GNG12: variants seen among roughly 807,000 people sequenced by gnomAD.
GNG12 encodes the protein G protein subunit gamma 12.
For synonymous variants in GNG12, 28 were observed against 29.7 expected, an observed-to-expected ratio of 0.94 and a Z score of 0.19; for missense variants, 69 against 83.8, an observed-to-expected ratio of 0.82 and a Z score of 0.69.
intron 1 of GNG12, among the ~76,000 whole-genome samples, chr1:67,783,408 A>G (rs1265655579): frequency 6.6e-6 from 1 of 152,160 alleles, no homozygotes; most frequent in Non-Finnish European, 1.5e-5. Flanking sequence ...TTTTATTAGC[A>G]TACAATAATA....
At chr1:67,756,494 G>A (rs1646568899) in intron 2 of GNG12, among the ~76,000 whole-genome samples, 2 of 152,112 alleles carry the variant, frequency 1.3e-5, no homozygotes, top group South Asian at 4.1e-4. Context: ...TGCTATGGCT[G>A]CTGCTCAAAG....
chr1:67,824,597 G>GT (rs1392886751), intron 1 of GNG12, among the ~76,000 whole-genome samples: 1 of 151,238 alleles, frequency 6.6e-6, no homozygotes, highest in African/African-American at 2.4e-5. Context: ...GTTTACCTTT[G>GT]TATATGGTTA....
chr1:67,741,159 A>G (rs1646480944), intron 2 of GNG12, among the ~76,000 whole-genome samples: 1 of 152,234 alleles, frequency 6.6e-6, no homozygotes, highest in Non-Finnish European at 1.5e-5. Context: ...CACGTGACAG[A>G]GAAATGCTTC....
At chr1:67,817,185 T>C (rs1428188163) in intron 1 of GNG12, among the ~76,000 whole-genome samples, 2 of 152,232 alleles carry the variant, frequency 1.3e-5, no homozygotes, top group Non-Finnish European at 2.9e-5. Flanking sequence ...CTGAATAGCA[T>C]GCTACTGGGA....
rs565409578 is a variant in GNG12 at position 67,702,477 on chromosome 1, T to A, written c.*2974A>T. On this transcript the variant is annotated 3_prime_UTR_variant, in exon 4 of 4. Transcript: ENST00000370982. Reference sequence around the variant, plus strand: ...AAAGTTTTGGTTTTTTTCCTGATAGTTTAAAGATTAGTAAAGTACAAAAAC... The same window carrying A: ...AAAGTTTTGGTTTTTTTCCTGATAGATTAAAGATTAGTAAAGTACAAAAAC... 2.0e-5 allele frequency: 3 copies of A among 152,268 alleles called. 1 individual carries two copies. Among genetic ancestry groups the A allele is most frequent in the Middle Eastern group, 6.8e-3 (2 of 294 alleles). The allele number at this position is 152,268 out of a possible 1,614,324, so 9.4% of individuals were successfully genotyped here.
intron 1 of GNG12, among the ~76,000 whole-genome samples, chr1:67,784,083 T>C (rs926034080): frequency 6.1e-4 from 92 of 150,540 alleles, no homozygotes; most frequent in African/African-American, 2.1e-3. Context: ...CCAACAATGA[T>C]AGACTGGATT....
intron 1 of GNG12, among the ~76,000 whole-genome samples, chr1:67,802,669 T>A (rs531645654): frequency 1.4e-4 from 22 of 152,296 alleles, no homozygotes; most frequent in African/African-American, 5.3e-4. Flanking sequence ...AGGCTACCTC[T>A]CTTTGCCCTG....
intron 2 of GNG12, among the ~76,000 whole-genome samples, chr1:67,742,082 T>C (rs764308659): frequency 9.9e-5 from 15 of 152,198 alleles, no homozygotes; most frequent in Non-Finnish European, 2.1e-4. Context: ...TCAAAACCTT[T>C]AAAGTGCTGA....
At chr1:67,815,263 C>T (rs547794434) in intron 1 of GNG12, among the ~76,000 whole-genome samples, 2 of 152,220 alleles carry the variant, frequency 1.3e-5, no homozygotes, top group Admixed American at 1.3e-4. Flanking sequence ...CACTTATATC[C>T]CTGATAAAAA....
chr1:67,708,671 C>G (rs1192220007), intron 2 of GNG12, among the ~76,000 whole-genome samples: 4 of 152,170 alleles, frequency 2.6e-5, no homozygotes, highest in Admixed American at 2.0e-4. Context: ...TTGCCTGGTG[C>G]CCTGACCTAT....
intron 1 of GNG12, among the ~76,000 whole-genome samples, chr1:67,799,904 G>C (rs1235443265): frequency 6.6e-6 from 1 of 151,910 alleles, no homozygotes; most frequent in African/African-American, 2.4e-5. Context: ...TTTGGTTTCT[G>C]CTTCTAAATC....
At chr1:67,797,761 C>T (rs940480004) in intron 1 of GNG12, among the ~76,000 whole-genome samples, 3 of 152,140 alleles carry the variant, frequency 2.0e-5, no homozygotes, top group African/African-American at 7.2e-5. Context: ...TCCAGTCAAC[C>T]AGGGCACGAC....
At chr1:67,821,216 A>G (rs1015765905) in intron 1 of GNG12, among the ~76,000 whole-genome samples, 1 of 152,224 alleles carries the variant, frequency 6.6e-6, no homozygotes, top group African/African-American at 2.4e-5. Context: ...GCATTATGCA[A>G]TTAAGGTTAC....
At chr1:67,743,650 C>T (rs1646494369) in intron 2 of GNG12, among the ~76,000 whole-genome samples, 1 of 152,164 alleles carries the variant, frequency 6.6e-6, no homozygotes, top group South Asian at 2.1e-4. Flanking sequence ...CCCTACCTCC[C>T]CTGAAAAAGC....
chr1:67,798,147 T>C (rs1460094399), intron 1 of GNG12, among the ~76,000 whole-genome samples: 1 of 152,152 alleles, frequency 6.6e-6, no homozygotes, highest in East Asian at 1.9e-4. Context: ...CTGGTCTGTT[T>C]GTGGCCTGTT....
chr1:67,759,485 G>A (rs1646589840), intron 2 of GNG12, among the ~76,000 whole-genome samples: 1 of 152,202 alleles, frequency 6.6e-6, no homozygotes, highest in African/African-American at 2.4e-5. Flanking sequence ...CATTCCCTGT[G>A]TGACCTGCGA....
At chr1:67,785,430 CTTAGAAT>C (rs1385991624) in intron 1 of GNG12, among the ~76,000 whole-genome samples, 1 of 152,182 alleles carries the variant, frequency 6.6e-6, no homozygotes, top group Non-Finnish European at 1.5e-5. Context: ...CCACTCTTCT[CTTAGAAT>C]TTCTACAACC....
intron 1 of GNG12, among the ~76,000 whole-genome samples, chr1:67,779,078 T>C (rs773828134): frequency 6.6e-6 from 1 of 152,194 alleles, no homozygotes; most frequent in Non-Finnish European, 1.5e-5. Flanking sequence ...GTGATTTTTC[T>C]GAGGGAAGGG....
At chr1:67,816,911 T>G (rs143837853) in intron 1 of GNG12, among the ~76,000 whole-genome samples, 88 of 152,314 alleles carry the variant, frequency 5.8e-4, no homozygotes, top group African/African-American at 1.9e-3. Context: ...TGCCTCAGTG[T>G]CCCCATCTGT....
Sources: gnomAD v4.1 joint callset for allele counts (sites outside exome capture counted in the v4.1 genomes callset) on GRCh38, gnomAD v4.1.1 for gene constraint, MANE v1.5 for transcripts, NCBI Gene and HGNC (gene_info 2026-07-23, HGNC 2026-07-21) for gene names.